Variants in ANKRD17 observed in about 807,000 individuals in gnomAD.
ANKRD17 encodes ankyrin repeat domain-containing protein 17.
In ANKRD17, 19 loss-of-function variants were observed where a neutral mutation model predicts 229.7. The observed-to-expected ratio is 0.08, with a 90% CI of 0.06 to 0.12. The LOEUF (loss-of-function observed/expected upper bound fraction) is 0.12. ANKRD17 is among the 10% of genes least tolerant of loss of function. The pLI, the probability that ANKRD17 is intolerant of heterozygous loss-of-function variation, is 1.00. For missense variants in ANKRD17, 2,176 were observed against 3,176.8 expected (o/e 0.68, Z 7.57); for synonymous variants, 1,112 against 1,146.1 (o/e 0.97, Z 0.60).
chr4:73,161,080 G>T, intron 3 of ANKRD17, 112 bp downstream of exon 3: 1 of 1,290,530 alleles, frequency 7.7e-7, no homozygotes. Context: ...CACATGTTAA[G>T]TGGTTAGCAC....
rs554380517 is a variant in ANKRD17, at chr4:73,144,258, A to C, written c.1957+487T>G. Among the ~76,000 whole-genome samples, 18 of 152,282 alleles carry C rather than the reference A, an allele frequency of 1.2e-4. No homozygotes were observed. The East Asian group carries it at 2.5e-3, about 21-fold the overall frequency. ...CTAAAATTTCTGATCATGAATGAAA[A>C]TCCTCATGCAATTTGCTATATTTGT... On this transcript the variant is annotated intron_variant, in intron 11 of 33. Coordinates refer to ENST00000358602, the MANE Select transcript of ANKRD17 (RefSeq NM_032217.5).
intron 12 of ANKRD17, 52 bp downstream of exon 12, chr4:73,142,588 C>G (rs947011853): frequency 1.4e-5 from 23 of 1,612,634 alleles, no homozygotes; most frequent in Admixed American, 3.3e-5. Flanking sequence ...GTAACAATGA[C>G]CAAGAGAGAA....
intron 2 of ANKRD17, among the ~76,000 whole-genome samples, chr4:73,168,597 C>T (rs989109102): frequency 1.3e-4 from 20 of 152,182 alleles, no homozygotes; most frequent in Admixed American, 1.1e-3. Context: ...TGTCAATTCT[C>T]ATTATTCAGT....
At chr4:73,089,436 G>A (rs575642101) in intron 29 of ANKRD17, among the ~76,000 whole-genome samples, 321 of 152,172 alleles carry the variant, frequency 2.1e-3, no homozygotes, top group African/African-American at 7.3e-3. Flanking sequence ...CATCTCTTAC[G>A]TGGACTATCT....
At chr4:73,134,108 G>T (rs1728595948) in intron 16 of ANKRD17, among the ~76,000 whole-genome samples, 1 of 151,766 alleles carries the variant, frequency 6.6e-6, no homozygotes, top group African/African-American at 2.4e-5. Context: ...TGGCCAACAA[G>T]TAAGAGCAGA....
At chr4:73,097,817 CCACAATCCATATTTTT>C (rs997762086) in intron 26 of ANKRD17, among the ~76,000 whole-genome samples, 111 of 151,714 alleles carry the variant, frequency 7.3e-4, no homozygotes, top group African/African-American at 2.5e-3. Context: ...CCCTTGGAAA[CCACAATCCATATTTTT>C]CATGTGCTAA....
At chr4:73,222,097 C>T (rs1235304484) in intron 1 of ANKRD17, among the ~76,000 whole-genome samples, 1 of 152,080 alleles carries the variant, frequency 6.6e-6, no homozygotes, top group Admixed American at 6.6e-5. Flanking sequence ...CCACTCACCA[C>T]CATAAAGCCT....
chr4:73,128,785 A>T (rs1283043870), intron 16 of ANKRD17, among the ~76,000 whole-genome samples: 1 of 152,126 alleles, frequency 6.6e-6, no homozygotes, highest in African/African-American at 2.4e-5. Context: ...AAAGTGGGCA[A>T]CTCCATTGTA....
chr4:73,247,472 T>A (rs1461668257), intron 1 of ANKRD17, among the ~76,000 whole-genome samples: 1 of 151,958 alleles, frequency 6.6e-6, no homozygotes, highest in Non-Finnish European at 1.5e-5. Context: ...TCTACCAAAA[T>A]AAAAGATCAA....
chr4:73,254,195 G>A (rs192872611), intron 1 of ANKRD17, among the ~76,000 whole-genome samples: 1 of 152,210 alleles, frequency 6.6e-6, no homozygotes, highest in African/African-American at 2.4e-5. Flanking sequence ...GCTGAACACA[G>A]CCTAATTCTG....
chr4:73,139,401 A>C (rs1167108135), intron 15 of ANKRD17, 130 bp downstream of exon 15: 4 of 1,056,376 alleles, frequency 3.8e-6, no homozygotes, highest in Non-Finnish European at 5.4e-6. Context: ...TTGAACTAAT[A>C]CTTCTAAAGC....
rs555233343 is a variant in ANKRD17, at chr4:73,164,987, T to C, written c.548-3639A>G. Among the ~76,000 whole-genome samples, 126 of 151,766 alleles carry C rather than the reference T, an allele frequency of 8.3e-4. 1 individual carries two copies. Among genetic ancestry groups the C allele is most frequent in the African/African-American group, 2.9e-3 (121 of 41,466 alleles). ...TAAATATTATCTGATTTTAAGATAA[T>C]TGAATGCGTAATTATGTTCCTCTCA... is the stretch of plus-strand genomic sequence containing the variant. On this transcript the variant is annotated intron_variant, in intron 2 of 33. Transcript: ENST00000358602.
chr4:73,113,082 C>A lies in ANKRD17; in HGVS notation c.4401+710G>T, dbSNP rs539161174. On this transcript the variant is annotated intron_variant, in intron 24 of 33. Transcript: ENST00000358602. ...GGAATACAGGCGTGAGCTACTGCGC[C>A]CAGCCACTGACCTTTTTATAAAAGA... is the stretch of plus-strand genomic sequence containing the variant. The A allele has an allele frequency of 1.1e-5, 13 of 1,176,452 alleles. No homozygotes were observed. In the South Asian group the frequency reaches 2.2e-4, roughly 20 times the overall value. The allele number at this position is 1,176,452 out of a possible 1,614,324, so 72.9% of individuals were successfully genotyped here.
At chr4:73,222,934 C>A in intron 1 of ANKRD17, 1 of 1,438,862 alleles carries the variant, frequency 6.9e-7, no homozygotes, top group Non-Finnish European at 9.4e-7. Context: ...TTTCTTTGTT[C>A]AGATTTCAAC....
chr4:73,226,741 T>C (rs1400341481), intron 1 of ANKRD17, among the ~76,000 whole-genome samples: 1 of 151,986 alleles, frequency 6.6e-6, no homozygotes, highest in Non-Finnish European at 1.5e-5. Context: ...TGAGGTGGAG[T>C]CTCGCTCTGT....
intron 1 of ANKRD17, among the ~76,000 whole-genome samples, chr4:73,179,876 G>T (rs903255916): frequency 6.6e-6 from 1 of 151,970 alleles, no homozygotes; most frequent in Non-Finnish European, 1.5e-5. Flanking sequence ...AGCAAAGAGT[G>T]ATTCAAAATT....
intron 24 of ANKRD17, among the ~76,000 whole-genome samples, chr4:73,110,430 G>C (rs954535454): frequency 4.6e-5 from 7 of 152,190 alleles, no homozygotes; most frequent in Non-Finnish European, 1.0e-4. Flanking sequence ...AGCCTCCCGA[G>C]TAGCTGGGAC....
At chr4:73,107,608 C>CA (rs1724802421) in intron 24 of ANKRD17, among the ~76,000 whole-genome samples, 1 of 152,156 alleles carries the variant, frequency 6.6e-6, no homozygotes, top group African/African-American at 2.4e-5. Context: ...GTGTACCCCT[C>CA]ATGAGATGAA....
chr4:73,172,282 A>T (rs1419564599), intron 2 of ANKRD17, among the ~76,000 whole-genome samples: 1 of 152,200 alleles, frequency 6.6e-6, no homozygotes, highest in Non-Finnish European at 1.5e-5. Context: ...TAAAGTACTG[A>T]AGGCAAAAAA....
Sources: gnomAD v4.1 joint callset for allele counts (sites outside exome capture counted in the v4.1 genomes callset) on GRCh38, gnomAD v4.1.1 for gene constraint, MANE v1.5 for transcripts, NCBI Gene and HGNC (gene_info 2026-07-23, HGNC 2026-07-21) for gene names.